The following GOLM2 variants were observed in gnomAD, a reference collection of about 807,000 sequenced individuals.
GOLM2 encodes the protein protein GOLM2.
Under a neutral mutation model 55.9 loss-of-function variants are expected in GOLM2, and 26 were observed. The observed-to-expected ratio is 0.47, with a 90% CI of 0.34 to 0.65. The LOEUF is 0.65. Ranked by LOEUF, GOLM2 falls within the 30% of genes least tolerant of loss-of-function variation. GOLM2 has a pLI of 0.01. For synonymous variants in GOLM2, 165 were observed against 194.6 expected, an observed-to-expected ratio of 0.85 and a Z score of 1.27; for missense variants, 486 against 531.8, an observed-to-expected ratio of 0.91 and a Z score of 0.85.
At chr15:44,298,528 G>T (rs1182992207) in intron 1 of GOLM2, among the ~76,000 whole-genome samples, 8 of 151,420 alleles carry the variant, frequency 5.3e-5, no homozygotes. Flanking sequence ...CACCCACCTG[G>T]GCCTCCCAAA....
intron 1 of GOLM2, chr15:44,308,029 A>C (rs1027694339): frequency 6.6e-6 from 1 of 152,204 alleles, no homozygotes; most frequent in African/African-American, 2.4e-5. Context: ...AATGATGATT[A>C]TTGTTATTAC....
intron 9 of GOLM2, among the ~76,000 whole-genome samples, chr15:44,409,041 G>A (rs1054038475): frequency 6.6e-6 from 1 of 152,198 alleles, no homozygotes; most frequent in Non-Finnish European, 1.5e-5. Context: ...ACTTTGGGAG[G>A]CTGAGGCAGC....
chr15:44,311,991 A>G (rs1460979752), intron 1 of GOLM2, among the ~76,000 whole-genome samples: 2 of 152,140 alleles, frequency 1.3e-5, no homozygotes, highest in Admixed American at 1.3e-4. Flanking sequence ...AAAGTTTGTG[A>G]ACTTCAAACT....
intron 1 of GOLM2, among the ~76,000 whole-genome samples, chr15:44,304,558 T>A (rs2078823073): frequency 1.3e-5 from 2 of 151,998 alleles, no homozygotes; most frequent in Admixed American, 1.3e-4. Flanking sequence ...GCTCTACTTC[T>A]ATTTCTAGTT....
chr15:44,343,353 T>C (rs181479545), intron 6 of GOLM2, among the ~76,000 whole-genome samples: 175 of 152,148 alleles, frequency 1.2e-3, no homozygotes, highest in Non-Finnish European at 3.2e-4. Context: ...GTTGTTGTTA[T>C]TATTATTTCA....
At chr15:44,413,087 T>C (rs968974614) in intron 9 of GOLM2, among the ~76,000 whole-genome samples, 1 of 152,074 alleles carries the variant, frequency 6.6e-6, no homozygotes, top group African/African-American at 2.4e-5. Context: ...GTTATGTCTA[T>C]CTGGCTCTAT....
intron 1 of GOLM2, among the ~76,000 whole-genome samples, chr15:44,317,780 A>T (rs1227423186): frequency 6.6e-6 from 1 of 152,026 alleles, no homozygotes; most frequent in East Asian, 1.9e-4. Context: ...CATTTCCCCA[A>T]TTCTCTCCCT....
At chr15:44,398,374 TAGCTTACTGC>T (rs1245124548) in intron 8 of GOLM2, among the ~76,000 whole-genome samples, 1 of 152,230 alleles carries the variant, frequency 6.6e-6, no homozygotes, top group African/African-American at 2.4e-5. Context: ...GGTATGATCA[TAGCTTACTGC>T]AGCCTTAAAC....
intron 6 of GOLM2, among the ~76,000 whole-genome samples, chr15:44,360,350 G>A (rs904916680): frequency 1.3e-5 from 2 of 152,154 alleles, no homozygotes; most frequent in African/African-American, 4.8e-5. Flanking sequence ...ATAGAAGCAT[G>A]GAGAAAGATC....
At chr15:44,338,362 C>T in intron 6 of GOLM2, 45 bp downstream of exon 6, 1 of 1,387,064 alleles carries the variant, frequency 7.2e-7, no homozygotes, top group Non-Finnish European at 1.0e-6. Flanking sequence ...GATGATAATA[C>T]ATTTCATGTG....
intron 9 of GOLM2, among the ~76,000 whole-genome samples, chr15:44,412,470 C>A (rs2079644994): frequency 6.6e-6 from 1 of 151,536 alleles, no homozygotes; most frequent in South Asian, 2.1e-4. Context: ...GTTGTTATAC[C>A]CCATTTAGGA....
rs2079668442 is a variant in GOLM2, at chr15:44,415,589, G to A, written c.*2183G>A. ...TACTATGTGAATCTCTTAAAAATCT[G>A]ACATTTTACAGTCTGTATTAGACAT... On this transcript the variant is annotated 3_prime_UTR_variant, in exon 10 of 10. Transcript: ENST00000299957. 1 of 152,506 alleles carries A rather than the reference G, an allele frequency of 6.6e-6. No homozygotes were observed. The highest frequency in any genetic ancestry group is 1.9e-4 in the East Asian group (1 of 5,194). The allele number at this position is 152,506 out of a possible 1,614,324, so 9.4% of individuals were successfully genotyped here. A position where few individuals can be genotyped will look rare whatever the true frequency, so the allele number is the denominator to read the frequency against.
intron 6 of GOLM2, 52 bp from the exon 7 acceptor site, chr15:44,379,638 T>TTTTAAAAAA: frequency 2.8e-6 from 2 of 710,022 alleles, no homozygotes; most frequent in Non-Finnish European, 4.6e-6. Flanking sequence ...TTTTTTTTTT[T>TTTTAAAAAA]AGAAATCATA....
At chr15:44,329,859 G>A (rs985441588) in intron 3 of GOLM2, among the ~76,000 whole-genome samples, 6 of 151,096 alleles carry the variant, frequency 4.0e-5, no homozygotes, top group Admixed American at 1.3e-4. Context: ...CCATGATGAT[G>A]CCACTACACT....
At chr15:44,379,639 AG>A in intron 6 of GOLM2, 50 bp from the exon 7 acceptor site, 4 of 257,324 alleles carry the variant, frequency 1.6e-5, no homozygotes, top group South Asian at 1.2e-4. Context: ...TTTTTTTTTT[AG>A]AAATCATAGT....
intron 8 of GOLM2, among the ~76,000 whole-genome samples, chr15:44,401,390 G>A (rs1302674891): frequency 6.6e-6 from 1 of 151,962 alleles, no homozygotes; most frequent in African/African-American, 2.4e-5. Context: ...TCAGCCTCCT[G>A]AGTATCTGAG....
chr15:44,318,779 G>A (rs2078929708), intron 1 of GOLM2, among the ~76,000 whole-genome samples: 3 of 151,800 alleles, frequency 2.0e-5, no homozygotes, highest in Non-Finnish European at 4.4e-5. Context: ...ATTGACCATA[G>A]CTTACAGGAT....
At chr15:44,407,909 G>T (rs905141447) in intron 9 of GOLM2, among the ~76,000 whole-genome samples, 1 of 150,854 alleles carries the variant, frequency 6.6e-6, no homozygotes, top group Non-Finnish European at 1.5e-5. Context: ...CCACCATCAC[G>T]TCCAGCTGAT....
chr15:44,391,573 G>A (rs1299211239), intron 8 of GOLM2, among the ~76,000 whole-genome samples: 1 of 149,622 alleles, frequency 6.7e-6, no homozygotes, highest in African/African-American at 2.5e-5. Context: ...AGGAAGAGAT[G>A]ACACAAATTC....
Sources: gnomAD v4.1 joint callset for allele counts (sites outside exome capture counted in the v4.1 genomes callset) on GRCh38, gnomAD v4.1.1 for gene constraint, MANE v1.5 for transcripts, NCBI Gene and HGNC (gene_info 2026-07-23, HGNC 2026-07-21) for gene names.